NCKAP5L: variants seen among roughly 807,000 people sequenced by gnomAD.
The protein encoded by NCKAP5L is NCK associated protein 5 like, also known as nck-associated protein 5-like.
Under a neutral mutation model 103.2 loss-of-function variants are expected in NCKAP5L, and 54 were observed. The observed-to-expected ratio is 0.52, with a 90% CI of 0.42 to 0.66. NCKAP5L has a LOEUF of 0.66. Ranked by LOEUF, NCKAP5L falls within the 30% of genes least tolerant of loss-of-function variation. NCKAP5L has a pLI of 0.00. For synonymous variants in NCKAP5L, 762 were observed against 748.6 expected (o/e 1.02, Z -0.29); for missense variants, 1,733 against 1,750.6 (o/e 0.99, Z 0.18).
In NCKAP5L at chr12:49,798,471, G is replaced by A. The variant is rs1333727113; in HGVS notation, c.352-8C>T. 2 of 1,563,386 alleles carry A rather than the reference G, an allele frequency of 1.3e-6. No homozygotes were observed. The highest frequency in any genetic ancestry group is 1.9e-5 in the Admixed American group (1 of 52,338). On this transcript the variant is annotated splice_region_variant and splice_polypyrimidine_tract_variant and intron_variant, in intron 6 of 12. Coordinates refer to ENST00000335999, the MANE Select transcript of NCKAP5L (RefSeq NM_001037806.4). ...GAGTGGAGTGAGTGGGATCTGCAGAGGGAGAGGCAGAGTTAGCACAGTAGC... is the reference window on the plus strand; with the variant it reads ...GAGTGGAGTGAGTGGGATCTGCAGAAGGAGAGGCAGAGTTAGCACAGTAGC...
In NCKAP5L at chr12:49,791,752, G is replaced by T. The variant is rs542523742; in HGVS notation, c.*87C>A. On this transcript the variant is annotated 3_prime_UTR_variant, in exon 13 of 13. Coordinates refer to ENST00000335999, the MANE Select transcript of NCKAP5L (RefSeq NM_001037806.4). ...GCCTCCTTGGTCCCTTCAGGGAGGG[G>T]TCCCCGTCTCCGGGGGCTGGGCATG... The T allele has an allele frequency of 4.4e-5, 56 of 1,263,292 alleles. No homozygotes were observed. The African/African-American group carries it at 8.1e-4, about 18-fold the overall frequency. The allele number at this position is 1,263,292 out of a possible 1,614,324, so 78.3% of individuals were successfully genotyped here. A position where few individuals can be genotyped will look rare whatever the true frequency, so the allele number is the denominator to read the frequency against.
Position 49,795,158 on chromosome 12 carries a change from T to C in NCKAP5L, c.2702A>G (p.Gln901Arg). ...GACCTCGGCGCCAGGGGCTCGCTCC[T>C]GGCCCTGGAGCCGCAGCACGTTCTC... ...IEENVLRLQG[Q>R]ERAPGAEVKH... is the part of the protein sequence containing the mutation. The change falls in exon 8 of 13, where the codon CAG (glutamine) becomes CGG (arginine). Residue 901 changes from glutamine to arginine, a missense_variant. Coordinates refer to ENST00000335999, the MANE Select transcript of NCKAP5L (RefSeq NM_001037806.4). 1 of 1,607,960 alleles carries C rather than the reference T, an allele frequency of 6.2e-7. No homozygotes were observed.
At chr12:49,817,621 T>C (rs1339620946) in intron 1 of NCKAP5L, among the ~76,000 whole-genome samples, 1 of 152,034 alleles carries the variant, frequency 6.6e-6, no homozygotes, top group African/African-American at 2.4e-5. Context: ...TAAAAACAGA[T>C]ACTAGATGAA....
At position 49,803,915 on chromosome 12, in the gene NCKAP5L, GC is replaced by G; in HGVS notation, c.123+6del. 6.2e-7 allele frequency: 1 copy of G among 1,604,922 alleles called. No individual in the cohort carries two copies. The highest frequency in any genetic ancestry group is 1.3e-5 in the African/African-American group (1 of 75,024). On this transcript the variant is annotated splice_donor_region_variant and intron_variant, in intron 3 of 12. Transcript: ENST00000335999. ...CACTGCTGCCCCTACCACGCCCCATGCCGCACCTCCAGCTCCCGCAGTCGGT... is the reference window on the plus strand; with the variant it reads ...CACTGCTGCCCCTACCACGCCCCATGCGCACCTCCAGCTCCCGCAGTCGGT...
chr12:49,792,317 C>T lies in NCKAP5L; in HGVS notation c.3792+129G>A. The T allele has an allele frequency of 2.0e-6, 3 of 1,532,774 alleles. No individual in the cohort carries two copies. The highest frequency in any genetic ancestry group is 1.4e-5 in the African/African-American group (1 of 72,968). 94.9% of individuals were successfully genotyped at this position (1,532,774 alleles called of 1,614,324 possible). ...GCCGCTCACAGGGCATCCCAGGGGT[C>T]CTCCTCCCAGAGGGTGCAGCACTGA... On this transcript the variant is annotated intron_variant, in intron 12 of 12. Coordinates refer to ENST00000335999, the MANE Select transcript of NCKAP5L (RefSeq NM_001037806.4). This position sits in a 1 kb window ranked among gnomAD's most constrained non-coding sequence, Gnocchi z 4.5.
In NCKAP5L at chr12:49,793,923, G is replaced by A. The variant is rs781499600; in HGVS notation, c.3096-27C>T. On this transcript the variant is annotated intron_variant, in intron 8 of 12. Coordinates refer to ENST00000335999, the MANE Select transcript of NCKAP5L (RefSeq NM_001037806.4). Reference sequence around the variant, plus strand: ...TATGGGCAACAGTGCAGATATAGGTGAGGGTGGTCTTGCCTGCCCAGACAT... The same window carrying A: ...TATGGGCAACAGTGCAGATATAGGTAAGGGTGGTCTTGCCTGCCCAGACAT... 8.9e-6 allele frequency: 13 copies of A among 1,460,602 alleles called. No individual in the cohort carries two copies. In the Admixed American group the frequency reaches 1.3e-4, roughly 14 times the overall value. The allele number at this position is 1,460,602 out of a possible 1,614,324, so 90.5% of individuals were successfully genotyped here.
chr12:49,798,392 C>T lies in NCKAP5L; in HGVS notation c.423G>A (p.Pro141=), dbSNP rs754025414. The change falls in exon 7 of 13, where the codon CCG becomes CCA. Residue 141 remains proline, a synonymous_variant. Coordinates refer to ENST00000335999, the MANE Select transcript of NCKAP5L (RefSeq NM_001037806.4). ...ASPSLSSTEG[P]AAPLPLGHCA... is the part of the protein sequence containing the mutation. The stretch of plus-strand genomic sequence containing the variant: ...AGTGCCCCAGAGGCAGCGGGGCAGC[C>T]GGTCCCTCAGTGGAGCTCAGGGAGG... The T allele has an allele frequency of 7.4e-5, 116 of 1,573,676 alleles. No individual in the cohort carries two copies. Among genetic ancestry groups the T allele is most frequent in the Non-Finnish European group, 9.4e-5 (109 of 1,159,142 alleles).
chr12:49,823,131 T>C (rs1946379138), intron 1 of NCKAP5L, among the ~76,000 whole-genome samples: 1 of 152,122 alleles, frequency 6.6e-6, no homozygotes, highest in Admixed American at 6.5e-5. Flanking sequence ...GTGAGCATGG[T>C]AACACCACTA....
intron 1 of NCKAP5L, among the ~76,000 whole-genome samples, chr12:49,816,078 A>G (rs1711050395): frequency 6.6e-6 from 1 of 152,156 alleles, no homozygotes; most frequent in African/African-American, 2.4e-5. Context: ...TGTCTTCTAC[A>G]AGTGCCTCCT....
chr12:49,825,456 C>T (rs1392519162), intron 1 of NCKAP5L, among the ~76,000 whole-genome samples: 2 of 152,300 alleles, frequency 1.3e-5, no homozygotes, highest in East Asian at 3.9e-4. Context: ...TCAGGGACCC[C>T]ACTTCGGCTG....
chr12:49,797,305 C>T lies in NCKAP5L; in HGVS notation c.555G>A (p.Arg185=), dbSNP rs369865122. The T allele has an allele frequency of 3.3e-5, 54 of 1,613,354 alleles. No individual in the cohort carries two copies. The African/African-American group carries it at 5.6e-4, about 17-fold the overall frequency. The stretch of plus-strand genomic sequence containing the variant: ...GCACCTCCAGAATCTGGGCCTTCTT[C>T]CGAAGGAACGGGGATAGGGCATCCA... ...PALDALSPFL[R]KKAQILEVLR... is the part of the protein sequence containing the mutation. Residue 185 remains arginine (R), a synonymous_variant, in exon 8 of 13, where the codon CGG becomes CGA. Coordinates refer to ENST00000335999, the MANE Select transcript of NCKAP5L (RefSeq NM_001037806.4). This position sits in a 1 kb window ranked among gnomAD's most constrained non-coding sequence, Gnocchi z 4.5.
Position 49,793,373 on chromosome 12 carries a change from C to A in NCKAP5L, c.3319G>T (p.Val1107Leu). 1 of 1,607,992 alleles carries A rather than the reference C, an allele frequency of 6.2e-7. No individual in the cohort carries two copies. The highest frequency in any genetic ancestry group is 8.5e-7 in the Non-Finnish European group (1 of 1,179,768). Residue 1107 changes from valine to leucine, a missense_variant, in exon 10 of 13, where the codon GTG (valine) becomes TTG (leucine). Transcript: ENST00000335999. The stretch of plus-strand genomic sequence containing the variant: ...TGACCTGTGAAGTGTGAGGTGGGCA[C>A]TGGCTCGGCCAGGCTGTCCTCCGAG... ...MPSEDSLAEP[V>L]PTSHFTACGS...
intron 1 of NCKAP5L, among the ~76,000 whole-genome samples, 191 bp downstream of exon 1, chr12:49,828,131 G>A (rs1231701260): frequency 1.3e-5 from 2 of 151,816 alleles, no homozygotes; most frequent in East Asian, 3.9e-4. Context: ...CCGGACCCCC[G>A]AGGAGGGTGC....
At chr12:49,793,951 C>T (rs1945984095) in intron 8 of NCKAP5L, 55 bp from the exon 9 acceptor site, 2 of 1,400,414 alleles carry the variant, frequency 1.4e-6, no homozygotes, top group South Asian at 3.4e-5. Flanking sequence ...CCAGACATTC[C>T]AGCCTTGCAC....
At position 49,794,894 on chromosome 12, in the gene NCKAP5L, A is replaced by G; in HGVS notation, c.2966T>C (p.Leu989Pro). Residue 989 changes from leucine to proline, a missense_variant, in exon 8 of 13, where the codon CTA (leucine) becomes CCA (proline). Transcript: ENST00000335999. Reference protein sequence around the residue: ...RRALEEEKAYLSSRARPRPGG... With the variant: ...RRALEEEKAYPSSRARPRPGG... ...AGGCCGTGGCCGGGCCCGGCTGCTTAGGTAGGCCTTCTCCTCTTCCAGTGC... is the reference window on the plus strand; with the variant it reads ...AGGCCGTGGCCGGGCCCGGCTGCTTGGGTAGGCCTTCTCCTCTTCCAGTGC... The G allele has an allele frequency of 6.6e-7, 1 of 1,516,974 alleles. No individual in the cohort carries two copies. Among genetic ancestry groups the G allele is most frequent in the Non-Finnish European group, 8.8e-7 (1 of 1,132,576 alleles). 94.0% of individuals were successfully genotyped at this position (1,516,974 alleles called of 1,614,324 possible).
At chr12:49,804,687 G>C (rs974324962) in intron 2 of NCKAP5L, 1 of 152,286 alleles carries the variant, frequency 6.6e-6, no homozygotes, top group East Asian at 1.9e-4. Context: ...TATGAAAACC[G>C]AGCTCATTCA....
At chr12:49,807,395 G>A (rs1180592613) in intron 1 of NCKAP5L, among the ~76,000 whole-genome samples, 2 of 152,150 alleles carry the variant, frequency 1.3e-5, no homozygotes, top group Non-Finnish European at 2.9e-5. Context: ...CTGGAGTTCA[G>A]TGGCACGTTC....
At chr12:49,817,501 CTGAGCAAAAGTTTGTTCT>C (rs1353429421) in intron 1 of NCKAP5L, among the ~76,000 whole-genome samples, 3 of 152,194 alleles carry the variant, frequency 2.0e-5, no homozygotes, top group South Asian at 4.2e-4. Flanking sequence ...GGTAAATAAG[CTGAGCAAAAGTTTGTTCT>C]TGAGCAAAAG....
In NCKAP5L at chr12:49,796,250, G is replaced by T. The variant is rs748717814; in HGVS notation, c.1610C>A (p.Pro537His). 1.3e-6 allele frequency: 2 copies of T among 1,568,528 alleles called. No homozygotes were observed. The highest frequency in any genetic ancestry group is 1.2e-5 in the South Asian group (1 of 82,780). Reference protein sequence around the residue: ...YTTPDSTQLRPPQSALSTTLS... With the variant: ...YTTPDSTQLRHPQSALSTTLS... ...CGTGGTGGACAAGGCTGACTGCGGG[G>T]GTCTGAGCTGTGTGGAGTCTGGGGT... Residue 537 changes from proline (P) to histidine (H), a missense_variant, in exon 8 of 13, where the codon CCC becomes CAC. Coordinates refer to ENST00000335999, the MANE Select transcript of NCKAP5L (RefSeq NM_001037806.4).
Sources: gnomAD v4.1 joint callset for allele counts (sites outside exome capture counted in the v4.1 genomes callset) on GRCh38, gnomAD v4.1.1 for gene constraint, Gnocchi (gnomAD v3.1) non-coding constraint, MANE v1.5 for transcripts, NCBI Gene and HGNC (gene_info 2026-07-23, HGNC 2026-07-21) for gene names.